LRP1B: variants seen among roughly 807,000 people sequenced by gnomAD.
The protein encoded by LRP1B is LDL receptor related protein 1B, also known as low-density lipoprotein receptor-related protein 1B.
Under a neutral mutation model 556.6 loss-of-function variants are expected in LRP1B, and 217 were observed. The ratio of observed to expected loss-of-function variants is 0.39; its 90% confidence interval spans 0.35 to 0.44. The LOEUF (loss-of-function observed/expected upper bound fraction) is 0.44, where lower values mean the gene tolerates loss of function less well. Ranked by LOEUF, LRP1B falls within the 20% of genes least tolerant of loss-of-function variation. The probability of loss-of-function intolerance (pLI) is 1.00; values close to 1 mark genes in which losing one functional copy is unlikely to be tolerated. For synonymous variants in LRP1B, 2,047 were observed against 1,865.8 expected (o/e 1.10, Z -2.50); for missense variants, 5,053 against 5,620.8 (o/e 0.90, Z 3.23).
chr2:141,559,810 C>A (rs1686083113), intron 2 of LRP1B, among the ~76,000 whole-genome samples: 1 of 151,516 alleles, frequency 6.6e-6, no homozygotes, highest in Non-Finnish European at 1.5e-5. Flanking sequence ...AATACATTTT[C>A]CTACTTACCT....
chr2:141,841,079 T>C (rs968924541), intron 1 of LRP1B, among the ~76,000 whole-genome samples: 3 of 152,166 alleles, frequency 2.0e-5, no homozygotes, highest in African/African-American at 7.2e-5. Context: ...CTCTCAGCAA[T>C]TGAATCTGGG....
In LRP1B at chr2:141,884,239, G is replaced by A. The variant is rs1699042294; in HGVS notation, c.83-73838C>T. On this transcript the variant is annotated intron_variant, in intron 1 of 90. Coordinates refer to ENST00000389484, the MANE Select transcript of LRP1B (RefSeq NM_018557.3). ...AAAAATAAAAATAATAGCCAGGCAT[G>A]GTAGCATGTGCCTGTAGTCCCAGCT... 2.0e-5 allele frequency among the ~76,000 whole-genome samples: 3 copies of A among 152,122 alleles called. 1 individual carries two copies. Among genetic ancestry groups the A allele is most frequent in the South Asian group, 4.1e-4 (2 of 4,820 alleles).
intron 35 of LRP1B, among the ~76,000 whole-genome samples, chr2:140,748,819 AATATATATCAT>A (rs1217136588): frequency 1.1e-5 from 1 of 93,622 alleles, no homozygotes; most frequent in Admixed American, 1.1e-4. Context: ...ACATGTATAT[AATATATATCAT>A]ATATTATATA....
chr2:141,113,447 T>C (rs1015893279), intron 7 of LRP1B, among the ~76,000 whole-genome samples: 3 of 152,206 alleles, frequency 2.0e-5, no homozygotes, highest in Non-Finnish European at 2.9e-5. Context: ...TTCTTTTAAA[T>C]AACAATTGAT....
At chr2:142,077,682 C>T (rs1705556834) in intron 1 of LRP1B, among the ~76,000 whole-genome samples, 1 of 152,054 alleles carries the variant, frequency 6.6e-6, no homozygotes, top group South Asian at 2.1e-4. Flanking sequence ...AAAGCCTTCT[C>T]TGCAGGGGAG....
At chr2:140,647,177 C>A (rs1386498973) in intron 41 of LRP1B, among the ~76,000 whole-genome samples, 4 of 151,606 alleles carry the variant, frequency 2.6e-5, no homozygotes, top group Non-Finnish European at 1.5e-5. Flanking sequence ...TTTTTTAAAT[C>A]TGCCTTTAAA....
At chr2:141,074,886 T>C (rs1261843730) in intron 7 of LRP1B, among the ~76,000 whole-genome samples, 8 of 152,168 alleles carry the variant, frequency 5.3e-5, no homozygotes, top group African/African-American at 1.9e-4. Context: ...CCTTTTTGCA[T>C]ACAGTTCCCT....
chr2:141,736,883 A>G (rs775446999), intron 2 of LRP1B, among the ~76,000 whole-genome samples: 3 of 152,160 alleles, frequency 2.0e-5, no homozygotes, highest in Admixed American at 6.6e-5. Context: ...GGAGAGAAAC[A>G]TTCTTTCTAA....
chr2:141,623,359 G>T (rs1196173810), intron 2 of LRP1B, among the ~76,000 whole-genome samples: 3 of 152,112 alleles, frequency 2.0e-5, no homozygotes, highest in African/African-American at 2.4e-5. Context: ...GTGGACAATG[G>T]TATATAATGT....
intron 2 of LRP1B, among the ~76,000 whole-genome samples, chr2:141,743,501 C>CTTTTTTTTT (rs796287062): frequency 9.2e-5 from 11 of 119,044 alleles, no homozygotes; most frequent in South Asian, 2.7e-4. Context: ...TTTTTTTTTT[C>CTTTTTTTTT]TTTTTTTTTT....
chr2:141,125,438 A>T (rs1490840835), intron 7 of LRP1B, among the ~76,000 whole-genome samples: 1 of 152,208 alleles, frequency 6.6e-6, no homozygotes, highest in East Asian at 1.9e-4. Context: ...AGACAGAAAG[A>T]ATGCAGAGAA....
intron 86 of LRP1B, among the ~76,000 whole-genome samples, chr2:140,263,357 T>A (rs1487364439): frequency 6.6e-6 from 1 of 152,138 alleles, no homozygotes; most frequent in Non-Finnish European, 1.5e-5. Flanking sequence ...GCAGTTATAC[T>A]CAGGTGGTTG....
At chr2:141,016,056 G>A (rs138643801) in intron 12 of LRP1B, 141 bp from the exon 13 acceptor site, 1 of 661,402 alleles carries the variant, frequency 1.5e-6, no homozygotes, top group African/African-American at 1.8e-5. Context: ...ATCTGTCAAA[G>A]AGGGGGGAGC....
At chr2:140,633,020 G>C (rs1683944523) in intron 41 of LRP1B, among the ~76,000 whole-genome samples, 1 of 150,468 alleles carries the variant, frequency 6.6e-6, no homozygotes, top group Non-Finnish European at 1.5e-5. Context: ...CCGAGATCAT[G>C]CCACTGCACT....
chr2:141,371,650 G>C (rs1223872260), intron 3 of LRP1B, among the ~76,000 whole-genome samples: 2 of 151,810 alleles, frequency 1.3e-5, no homozygotes, highest in Non-Finnish European at 2.9e-5. Context: ...TTGCCTTCTT[G>C]ATTTGGTCCT....
chr2:140,763,304 AAG>A (rs1467817133), intron 35 of LRP1B, among the ~76,000 whole-genome samples: 1 of 152,112 alleles, frequency 6.6e-6, no homozygotes, highest in Non-Finnish European at 1.5e-5. Context: ...AGTGGGGAGA[AAG>A]AGTGGTACAT....
chr2:141,911,948 C>G lies in LRP1B; in HGVS notation c.83-101547G>C, dbSNP rs903938934. 3.9e-5 allele frequency among the ~76,000 whole-genome samples: 6 copies of G among 152,102 alleles called. No homozygotes were observed. In the East Asian group the frequency reaches 1.2e-3, roughly 29 times the overall value. ...TCATGAACCCCCTACAAGCATGCAC[C>G]ACACACAAATTTATTAGCAATTGTC... On this transcript the variant is annotated intron_variant, in intron 1 of 90. Coordinates refer to ENST00000389484, the MANE Select transcript of LRP1B (RefSeq NM_018557.3).
intron 12 of LRP1B, among the ~76,000 whole-genome samples, chr2:141,018,072 C>G (rs1040406380): frequency 6.6e-6 from 1 of 150,612 alleles, no homozygotes; most frequent in African/African-American, 2.4e-5. Flanking sequence ...CTTAAACACA[C>G]AGAATAGAAA....
chr2:140,676,557 A>G (rs2105369244), intron 41 of LRP1B, among the ~76,000 whole-genome samples: 1 of 152,324 alleles, frequency 6.6e-6, no homozygotes, highest in East Asian at 1.9e-4. Flanking sequence ...TTCACAAAAT[A>G]AGTTTGCTGC....
Sources: allele counts gnomAD v4.1 joint callset (sites outside exome capture counted in the v4.1 genomes callset), GRCh38; gene constraint gnomAD v4.1.1; transcripts MANE v1.5; gene names NCBI Gene and HGNC (gene_info 2026-07-23, HGNC 2026-07-21).